The following NLRP5 variants were observed in gnomAD, a reference collection of about 807,000 sequenced individuals.
NLRP5 encodes NACHT, LRR and PYD domains-containing protein 5.
Under a neutral mutation model 113.1 loss-of-function variants are expected in NLRP5, and 93 were observed. That is an observed-to-expected ratio of 0.82 (90% CI 0.70 to 0.98). The LOEUF (loss-of-function observed/expected upper bound fraction) is 0.98, where lower values mean the gene tolerates loss of function less well. NLRP5 is among the 50% of genes least tolerant of loss of function. The probability of loss-of-function intolerance (pLI) is 0.00; values close to 1 mark genes in which losing one functional copy is unlikely to be tolerated. For synonymous variants in NLRP5, 751 were observed against 600.7 expected, an observed-to-expected ratio of 1.25 and a Z score of -3.66; for missense variants, 1,808 against 1,514.3, an observed-to-expected ratio of 1.19 and a Z score of -3.22.
At chr19:55,994,013 T>TA in the NLRP5 span, among the ~76,000 whole-genome samples, 9,173 of 152,130 alleles carry the variant, frequency 0.06, 305 homozygotes, top group Middle Eastern at 0.095. Context: ...CATAGGGTAT[T>TA]AATCTATTTT....
chr19:56,006,801 G>A (rs56083341), intron 2 of NLRP5, among the ~76,000 whole-genome samples: 21 of 151,654 alleles, frequency 1.4e-4, no homozygotes, highest in South Asian at 1.0e-3. Context: ...GTGCAGTGGC[G>A]CAATCTCGGC....
At chr19:56,010,825 C>T (rs62120416) in intron 3 of NLRP5, among the ~76,000 whole-genome samples, 101 of 146,366 alleles carry the variant, frequency 6.9e-4, no homozygotes, top group African/African-American at 2.5e-3. Context: ...CAAATGTGGT[C>T]CATGTATACA....
At chr19:56,054,882 C>T (rs1468546571) in intron 13 of NLRP5, among the ~76,000 whole-genome samples, 1 of 152,070 alleles carries the variant, frequency 6.6e-6, no homozygotes, top group East Asian at 1.9e-4. Context: ...TGTGTGAGCA[C>T]TGACCATGCA....
intron 6 of NLRP5, 52 bp from the exon 7 acceptor site, chr19:56,026,861 C>T (rs1458431042): frequency 6.6e-7 from 1 of 1,510,762 alleles, no homozygotes; most frequent in Non-Finnish European, 8.9e-7. Flanking sequence ...CAGGTGCGAG[C>T]CACTGTGCCT....
In NLRP5 at chr19:56,015,778, C is replaced by A; in HGVS notation, c.545C>A (p.Ala182Asp). 6.4e-7 allele frequency: 1 copy of A among 1,571,510 alleles called. No individual in the cohort carries two copies. The highest frequency in any genetic ancestry group is 8.6e-7 in the Non-Finnish European group (1 of 1,156,816). Residue 182 changes from alanine (A) to aspartate (D), a missense_variant, in exon 4 of 15, where the codon GCT becomes GAT. By Grantham distance (126) the Ala-to-Asp change is moderately radical. Coordinates refer to ENST00000390649, the MANE Select transcript of NLRP5 (RefSeq NM_153447.4). Reference sequence around the variant, plus strand: ...GCTGTGCAACAAGATAGTGCCACAGCTGCAGAGACAAAAGAACAAGGTGAA... The same window carrying A: ...GCTGTGCAACAAGATAGTGCCACAGATGCAGAGACAAAAGAACAAGGTGAA...
rs367894544 is a variant in NLRP5 at position 56,020,312 on chromosome 19, G to C, written c.623-63G>C. On this transcript the variant is annotated intron_variant, in intron 5 of 14. Coordinates refer to ENST00000390649, the MANE Select transcript of NLRP5 (RefSeq NM_153447.4). Reference sequence around the variant, plus strand: ...TATGGCATGACTAAGCTTATCTTGGGGGTGTCTGACATCTCTGACTCGAAT... The same window carrying C: ...TATGGCATGACTAAGCTTATCTTGGCGGTGTCTGACATCTCTGACTCGAAT... The C allele has an allele frequency of 8.8e-6, 14 of 1,587,510 alleles. No homozygotes were observed. In the East Asian group the frequency reaches 2.9e-4, roughly 33 times the overall value.
intron 11 of NLRP5, among the ~76,000 whole-genome samples, chr19:56,044,010 T>C (rs1599905419): frequency 1.0e-5 from 1 of 99,724 alleles, no homozygotes; most frequent in South Asian, 3.1e-4. Context: ...TCTCGAAGGG[T>C]TTTTCCCATG....
chr19:56,044,067 C>CTT (rs35674471), intron 11 of NLRP5, among the ~76,000 whole-genome samples: 8,947 of 139,820 alleles, frequency 0.064, 585 homozygotes, highest in African/African-American at 0.16. Flanking sequence ...AGTCTTAGGT[C>CTT]TTTTTTTTTT....
intron 12 of NLRP5, among the ~76,000 whole-genome samples, chr19:56,053,403 AATT>A (rs1276921270): frequency 6.6e-6 from 1 of 151,962 alleles, no homozygotes. Flanking sequence ...TCTCAAAAAA[AATT>A]AATTAAAAAA....
At chr19:55,990,151 A>C in the NLRP5 span, among the ~76,000 whole-genome samples, 130,200 of 142,534 alleles carry the variant, frequency 0.91, 59,533 homozygotes, top group African/African-American at 0.98. Context: ...TGCAATGGTG[A>C]GATCTCAGCT....
chr19:56,056,426 G>A (rs115486933), intron 13 of NLRP5, among the ~76,000 whole-genome samples: 4,226 of 152,142 alleles, frequency 0.028, 172 homozygotes, highest in African/African-American at 0.083. Flanking sequence ...GCTTGGTGGC[G>A]TACGCCTGTA....
chr19:56,030,378 A>G lies in NLRP5; in HGVS notation c.2276+1869A>G, dbSNP rs549489845. 2.4e-4 allele frequency among the ~76,000 whole-genome samples: 37 copies of G among 152,240 alleles called. No homozygotes were observed. In the East Asian group the frequency reaches 6.4e-3, roughly 26 times the overall value. On this transcript the variant is annotated intron_variant, in intron 7 of 14. Transcript: ENST00000390649. ...GAGTGAGACTCTATCTCAAAAAAAA[A>G]AAATTCTCACATGGAAGAGGTCTGG... is the stretch of plus-strand genomic sequence containing the variant.
rs750820401 is a variant in NLRP5 at position 56,027,645 on chromosome 19, C to T, written c.1412C>T (p.Pro471Leu). The T allele has an allele frequency of 5.0e-6, 8 of 1,613,332 alleles. No homozygotes were observed. The South Asian group carries it at 8.8e-5, about 18-fold the overall frequency. Reference sequence around the variant, plus strand: ...GAGCTGCTCGACCAGTGCCAGGTGCCCGCCGTGGGCTCTCTCATCTGCGTG... The same window carrying T: ...GAGCTGCTCGACCAGTGCCAGGTGCTCGCCGTGGGCTCTCTCATCTGCGTG... Residue 471 changes from proline to leucine, a missense_variant, in exon 7 of 15, where the codon CCC (proline) becomes CTC (leucine). Coordinates refer to ENST00000390649, the MANE Select transcript of NLRP5 (RefSeq NM_153447.4).
chr19:56,025,437 G>A (rs1415928760), intron 6 of NLRP5, among the ~76,000 whole-genome samples: 2 of 142,994 alleles, frequency 1.4e-5, no homozygotes, highest in South Asian at 2.2e-4. Context: ...ATGGAGTCTC[G>A]CTCTGTCGCC....
chr19:55,996,239 T>G (rs1273682797), upstream of NLRP5, among the ~76,000 whole-genome samples: 1 of 152,224 alleles, frequency 6.6e-6, no homozygotes, highest in Non-Finnish European at 1.5e-5. Context: ...GCTTTCTTCT[T>G]TTCCACATTC....
intron 11 of NLRP5, among the ~76,000 whole-genome samples, chr19:56,042,406 C>T (rs1382748506): frequency 6.6e-6 from 1 of 152,114 alleles, no homozygotes; most frequent in African/African-American, 2.4e-5. Context: ...TGGCATGGCG[C>T]AATCTCAGCT....
At chr19:55,989,717 G>A in the NLRP5 span, among the ~76,000 whole-genome samples, 1 of 152,292 alleles carries the variant, frequency 6.6e-6, no homozygotes, top group Admixed American at 6.5e-5. Flanking sequence ...AACTTTCTGT[G>A]CTGATTGTTG....
chr19:56,011,775 C>T (rs953647465), intron 3 of NLRP5, among the ~76,000 whole-genome samples: 14 of 150,718 alleles, frequency 9.3e-5, no homozygotes, highest in African/African-American at 3.4e-4. Flanking sequence ...CTCACTGCAA[C>T]CTCTGCCTCC....
rs1447820030 is a variant in NLRP5, at chr19:56,033,686, A to C, written c.2592A>C (p.Pro864=). The change falls in exon 9 of 15, where the codon CCA becomes CCC. Residue 864 remains proline, a synonymous_variant. Transcript: ENST00000390649. ...TGGCGTGTGAAGCCTTAAAACACCC[A>C]AAATGTTTGTTGGAGTCTTTGAGGT... The C allele has an allele frequency of 1.2e-6, 2 of 1,613,344 alleles. No individual in the cohort carries two copies. The highest frequency in any genetic ancestry group is 1.7e-6 in the Non-Finnish European group (2 of 1,179,612).
Sources: gnomAD v4.1 joint callset for allele counts (sites outside exome capture counted in the v4.1 genomes callset) on GRCh38, gnomAD v4.1.1 for gene constraint, MANE v1.5 for transcripts, NCBI Gene and HGNC (gene_info 2026-07-23, HGNC 2026-07-21) for gene names.